The following LRRC75A variants were observed in gnomAD, a reference collection of about 807,000 sequenced individuals.
LRRC75A encodes the protein leucine-rich repeat-containing protein 75A.
A neutral mutation model predicts 26.0 loss-of-function variants in LRRC75A; 12 were observed. That is an observed-to-expected ratio of 0.46 (90% CI 0.30 to 0.75). LRRC75A has a LOEUF of 0.75. Among genes scored for constraint, LRRC75A ranks in the 30% least tolerant of loss-of-function variants. The pLI is 0.08. For synonymous variants in LRRC75A, 223 were observed against 219.3 expected (o/e 1.02, Z -0.15); for missense variants, 410 against 486.6 (o/e 0.84, Z 1.48).
rs772036811 is a variant in LRRC75A, at chr17:16,462,405, C to A, written c.247-19G>T. ...CCAGGTCCTGCAAGAGCAAAGGATG[C>A]CCAGAGGTCAGGGCTGGCTGCCCAC... On this transcript the variant is annotated intron_variant, in intron 1 of 3. Coordinates refer to ENST00000470794, the MANE Select transcript of LRRC75A (RefSeq NM_001113567.3). The surrounding 1 kb of genome is among the most constrained non-coding windows in gnomAD (Gnocchi z 4.6). 8 of 1,613,266 alleles carry A rather than the reference C, an allele frequency of 5.0e-6. No individual in the cohort carries two copies. The highest frequency in any genetic ancestry group is 6.8e-6 in the Non-Finnish European group (8 of 1,179,904).
chr17:16,451,729 C>T (rs11869614), intron 2 of LRRC75A, among the ~76,000 whole-genome samples: 34,369 of 151,600 alleles, frequency 0.23, 4,154 homozygotes, highest in Middle Eastern at 0.31. Flanking sequence ...TCTTTCATAC[C>T]GGAATCTCAG....
intron 1 of LRRC75A, among the ~76,000 whole-genome samples, chr17:16,481,289 A>G (rs1206780471): frequency 2.0e-5 from 3 of 152,128 alleles, no homozygotes; most frequent in African/African-American, 7.2e-5. Flanking sequence ...ACCTGGTGCC[A>G]GGTGAGATGA....
chr17:16,476,943 T>G (rs992866950), intron 1 of LRRC75A, among the ~76,000 whole-genome samples: 2 of 151,630 alleles, frequency 1.3e-5, no homozygotes, highest in African/African-American at 4.9e-5. Flanking sequence ...TTTCACCGTG[T>G]TAGCCAGGAT....
rs998216601 is a variant in LRRC75A at position 16,485,029 on chromosome 17, T to A, written c.246+6716A>T. 2.1e-5 allele frequency among the ~76,000 whole-genome samples: 3 copies of A among 144,700 alleles called. No individual in the cohort carries two copies. In the South Asian group the frequency reaches 6.7e-4, roughly 32 times the overall value. The allele number at this position is 144,700 out of a possible 152,430, so 94.9% of individuals were successfully genotyped here. On this transcript the variant is annotated intron_variant, in intron 1 of 3. Transcript: ENST00000470794. The stretch of plus-strand genomic sequence containing the variant: ...CACGTGGGCACTGCTCAGGGCCGGG[T>A]GGGGGTAGGGAGGAGAGCAGGCACC...
In LRRC75A at chr17:16,491,823, G is replaced by T; in HGVS notation, c.168C>A (p.Gly56=). 1 of 1,410,470 alleles carries T rather than the reference G, an allele frequency of 7.1e-7. No homozygotes were observed. Among genetic ancestry groups the T allele is most frequent in the Non-Finnish European group, 9.3e-7 (1 of 1,079,304 alleles). The allele number at this position is 1,410,470 out of a possible 1,614,324, so 87.4% of individuals were successfully genotyped here. A position where few individuals can be genotyped will look rare whatever the true frequency, so the allele number is the denominator to read the frequency against. ...AGMPPYHRRV[G]MVQELLRMVR... The stretch of plus-strand genomic sequence containing the variant: ...CCATCCGCAGCAGCTCCTGGACCAT[G>T]CCGACTCGCCGGTGGTAGGGGGGCA... Residue 56 remains glycine, a synonymous_variant, in exon 1 of 4, where the codon GGC becomes GGA. Transcript: ENST00000470794. The surrounding 1 kb of genome is among the most constrained non-coding windows in gnomAD (Gnocchi z 5.9).
intron 1 of LRRC75A, among the ~76,000 whole-genome samples, chr17:16,469,455 C>T (rs34850018): frequency 0.19 from 28,873 of 152,112 alleles, 3,446 homozygotes; most frequent in Middle Eastern, 0.29. Flanking sequence ...GCTCAGGCTT[C>T]CCCCCTCCCC....
chr17:16,448,587 G>A (rs994795819), intron 2 of LRRC75A, among the ~76,000 whole-genome samples: 1 of 152,202 alleles, frequency 6.6e-6, no homozygotes, highest in Non-Finnish European at 1.5e-5. Context: ...GTATCCCGCT[G>A]ACAATCACAA....
In LRRC75A at chr17:16,482,595, C is replaced by T. The variant is rs550569458; in HGVS notation, c.246+9150G>A. ...AGGTCCTGGGCCTAGCGCCTGTGTC[C>T]ACTCATGAGCCCCACTGAGGAAAGG... On this transcript the variant is annotated intron_variant, in intron 1 of 3. Coordinates refer to ENST00000470794, the MANE Select transcript of LRRC75A (RefSeq NM_001113567.3). Among the ~76,000 whole-genome samples, 146 of 152,316 alleles carry T rather than the reference C, an allele frequency of 9.6e-4. 2 individuals carry two copies. The South Asian group carries it at 0.029, about 30-fold the overall frequency.
In LRRC75A at chr17:16,491,849, T is replaced by C; in HGVS notation, c.142A>G (p.Met48Val). The change falls in exon 1 of 4, where the codon ATG becomes GTG. Residue 48 changes from methionine (M) to valine (V), a missense_variant. Met to Val is a conservative substitution (Grantham distance 21, BLOSUM62 1). Transcript: ENST00000470794. This position sits in a 1 kb window ranked among gnomAD's most constrained non-coding sequence, Gnocchi z 5.9. ...CCGACTCGCCGGTGGTAGGGGGGCATCCCCGCGCCCGCGCGCCCCGCCTTG... is the reference window on the plus strand; with the variant it reads ...CCGACTCGCCGGTGGTAGGGGGGCACCCCCGCGCCCGCGCGCCCCGCCTTG... Reference protein sequence around the residue: ...GDKAGRAGAGMPPYHRRVGMV... With the variant: ...GDKAGRAGAGVPPYHRRVGMV... 4 of 1,395,132 alleles carry C rather than the reference T, an allele frequency of 2.9e-6. No homozygotes were observed. The highest frequency in any genetic ancestry group is 3.7e-6 in the Non-Finnish European group (4 of 1,070,746). The allele number at this position is 1,395,132 out of a possible 1,614,324, so 86.4% of individuals were successfully genotyped here.
chr17:16,465,186 C>A (rs991604946), intron 1 of LRRC75A, among the ~76,000 whole-genome samples: 20 of 152,198 alleles, frequency 1.3e-4, no homozygotes, highest in African/African-American at 4.3e-4. Context: ...CTCTGCTTTG[C>A]CCCTGGGCAC....
chr17:16,472,847 A>T (rs2093810826), intron 1 of LRRC75A, among the ~76,000 whole-genome samples: 1 of 152,198 alleles, frequency 6.6e-6, no homozygotes, highest in Non-Finnish European at 1.5e-5. Context: ...AAATTTCAAG[A>T]ACTATTTAGG....
Position 16,462,252 on chromosome 17 carries a change from C to G in LRRC75A, c.375+6G>C. On this transcript the variant is annotated splice_donor_region_variant and intron_variant, in intron 2 of 3. Coordinates refer to ENST00000470794, the MANE Select transcript of LRRC75A (RefSeq NM_001113567.3). This position sits in a 1 kb window ranked among gnomAD's most constrained non-coding sequence, Gnocchi z 4.6. ...ACCTGGCTGGCTCGGACCACAGCCA[C>G]CCTACCGGCTTGGGACAGTGGATGT... 1.9e-6 allele frequency: 3 copies of G among 1,614,030 alleles called. No homozygotes were observed. The highest frequency in any genetic ancestry group is 2.5e-6 in the Non-Finnish European group (3 of 1,179,964).
chr17:16,446,050 A>G (rs545162771), intron 3 of LRRC75A, among the ~76,000 whole-genome samples: 10 of 152,366 alleles, frequency 6.6e-5, no homozygotes, highest in Non-Finnish European at 1.0e-4. Context: ...CTGGGATTAC[A>G]GGCGTGCAAC....
rs574329315 is a variant in LRRC75A, at chr17:16,456,171, G to A, written c.375+6087C>T. On this transcript the variant is annotated intron_variant, in intron 2 of 3. Coordinates refer to ENST00000470794, the MANE Select transcript of LRRC75A (RefSeq NM_001113567.3). ...GAGGGAGAGGAGGAGGAAGAGGAGG[G>A]GTAGGAGGAGGAAGAGGAGGAAGGA... is the stretch of plus-strand genomic sequence containing the variant. Among the ~76,000 whole-genome samples, 561 of 106,092 alleles carry A rather than the reference G, an allele frequency of 5.3e-3. 19 individuals carry two copies. The highest frequency in any genetic ancestry group is 0.02 in the African/African-American group (513 of 25,450). 69.6% of individuals were successfully genotyped at this position (106,092 alleles called of 152,430 possible).
intron 2 of LRRC75A, among the ~76,000 whole-genome samples, chr17:16,454,536 A>T (rs12940078): frequency 0.19 from 28,584 of 151,618 alleles, 3,391 homozygotes; most frequent in Middle Eastern, 0.29. Context: ...TACTGAAAAT[A>T]CAAAATTAGC....
At chr17:16,485,146 G>A (rs551791314) in intron 1 of LRRC75A, among the ~76,000 whole-genome samples, 3 of 152,192 alleles carry the variant, frequency 2.0e-5, no homozygotes, top group Non-Finnish European at 4.4e-5. Flanking sequence ...AGTCCAAGAC[G>A]CAGCAACCAA....
intron 1 of LRRC75A, among the ~76,000 whole-genome samples, chr17:16,476,349 T>C (rs778533345): frequency 6.6e-6 from 1 of 151,688 alleles, no homozygotes; most frequent in African/African-American, 2.4e-5. Flanking sequence ...GCCTGGGTGA[T>C]GGAGTGAGAC....
chr17:16,468,102 C>T (rs572930349), intron 1 of LRRC75A, among the ~76,000 whole-genome samples: 7 of 152,324 alleles, frequency 4.6e-5, no homozygotes, highest in Admixed American at 1.3e-4. Flanking sequence ...AAACTTTGTG[C>T]GCTGCTGGTA....
At position 16,472,013 on chromosome 17, in the gene LRRC75A, T is replaced by G. The variant is rs1166887485; in HGVS notation, c.247-9627A>C. 4.6e-5 allele frequency among the ~76,000 whole-genome samples: 7 copies of G among 152,150 alleles called. 1 individual carries two copies. The South Asian group carries it at 1.4e-3, about 32-fold the overall frequency. ...GGTAATGGTTGCACAGCAATATGAA[T>G]GTGCTTAATGCCACTGAACTGTGCA... On this transcript the variant is annotated intron_variant, in intron 1 of 3. Transcript: ENST00000470794.
Sources: allele counts gnomAD v4.1 joint callset (sites outside exome capture counted in the v4.1 genomes callset), GRCh38; gene constraint gnomAD v4.1.1; non-coding constraint Gnocchi (gnomAD v3.1); transcripts MANE v1.5; gene names NCBI Gene and HGNC (gene_info 2026-07-23, HGNC 2026-07-21).